Variants in ARMH4 observed in about 807,000 individuals in gnomAD.
ARMH4 encodes armadillo like helical domain containing 4.
In ARMH4, 49 loss-of-function variants were observed where a neutral mutation model predicts 61.9. The ratio of observed to expected loss-of-function variants is 0.79; its 90% CI spans 0.63 to 1.00. The LOEUF (loss-of-function observed/expected upper bound fraction) is 1.00, where lower values mean the gene tolerates loss of function less well. Among genes scored for constraint, ARMH4 ranks in the 50% least tolerant of loss-of-function variants. The pLI is 0.00. For synonymous variants in ARMH4, 368 were observed against 341.5 expected (o/e 1.08, Z -0.85); for missense variants, 934 against 930.0 (o/e 1.00, Z -0.06).
intron 5 of ARMH4, among the ~76,000 whole-genome samples, chr14:58,071,557 T>C (rs1365253631): frequency 4.6e-5 from 7 of 152,200 alleles, no homozygotes; most frequent in Non-Finnish European, 8.8e-5. Context: ...TGACTTTGAC[T>C]TCCTGATAGA....
At chr14:58,150,028 G>T (rs938764983) in intron 1 of ARMH4, among the ~76,000 whole-genome samples, 36 of 152,064 alleles carry the variant, frequency 2.4e-4, no homozygotes, top group African/African-American at 8.7e-4. Context: ...ACCTGAGAGG[G>T]TTCTGCTGTC....
At chr14:58,141,857 G>A (rs1352564392) in intron 1 of ARMH4, among the ~76,000 whole-genome samples, 1 of 152,028 alleles carries the variant, frequency 6.6e-6, no homozygotes, top group Non-Finnish European at 1.5e-5. Context: ...CAAAATTTAA[G>A]GATTAGAAAA....
At chr14:58,005,276 CTT>C in intron 6 of ARMH4, 94 bp from the exon 7 acceptor site, 1 of 1,486,758 alleles carries the variant, frequency 6.7e-7, no homozygotes, top group Non-Finnish European at 9.2e-7. Context: ...TTTTTAGACA[CTT>C]TGAATTCTCC....
intron 5 of ARMH4, among the ~76,000 whole-genome samples, chr14:58,034,422 A>T (rs1436850657): frequency 8.1e-6 from 1 of 124,082 alleles, no homozygotes; most frequent in African/African-American, 3.0e-5. Context: ...ATGGAAAGGA[A>T]CAACCGGTAC....
chr14:58,070,798 G>T (rs1305158995), intron 5 of ARMH4, among the ~76,000 whole-genome samples: 3 of 152,082 alleles, frequency 2.0e-5, no homozygotes, highest in African/African-American at 7.2e-5. Context: ...CAAATAGTAG[G>T]TCTTCTTCAT....
chr14:58,010,225 C>G (rs1000204331), intron 6 of ARMH4, among the ~76,000 whole-genome samples: 2 of 143,582 alleles, frequency 1.4e-5, no homozygotes, highest in African/African-American at 5.1e-5. Flanking sequence ...GATGGACAAA[C>G]AGAGAGTGAG....
intron 5 of ARMH4, among the ~76,000 whole-genome samples, chr14:58,088,391 T>A (rs576358790): frequency 1.9e-4 from 29 of 151,818 alleles, no homozygotes; most frequent in African/African-American, 6.0e-4. Context: ...TACATGTTCA[T>A]CCTCACAAGG....
At chr14:58,120,565 G>A (rs564706623) in intron 4 of ARMH4, among the ~76,000 whole-genome samples, 1 of 152,262 alleles carries the variant, frequency 6.6e-6, no homozygotes, top group South Asian at 2.1e-4. Context: ...AGCCAAATAT[G>A]AGTAACCATG....
intron 4 of ARMH4, among the ~76,000 whole-genome samples, chr14:58,122,795 T>C (rs1186832811): frequency 6.6e-6 from 1 of 152,166 alleles, no homozygotes. Flanking sequence ...CCCTTGTCCA[T>C]GCCCCTTATG....
intron 4 of ARMH4, among the ~76,000 whole-genome samples, chr14:58,107,453 T>C (rs757916917): frequency 7.2e-5 from 11 of 152,104 alleles, no homozygotes; most frequent in Non-Finnish European, 1.2e-4. Context: ...TTTACTAAGT[T>C]TAAAATTAAA....
At chr14:58,059,337 T>C (rs1884455272) in intron 5 of ARMH4, among the ~76,000 whole-genome samples, 1 of 152,228 alleles carries the variant, frequency 6.6e-6, no homozygotes, top group African/African-American at 2.4e-5. Flanking sequence ...ACCTGAGGAA[T>C]GCCAGATTCA....
chr14:58,147,961 T>C (rs186041548), intron 1 of ARMH4, among the ~76,000 whole-genome samples: 6 of 152,332 alleles, frequency 3.9e-5, no homozygotes, highest in African/African-American at 1.2e-4. Flanking sequence ...GGCAACCCCA[T>C]ACCACTGGTG....
At chr14:58,131,410 A>T in intron 4 of ARMH4, 102 bp downstream of exon 4, 1 of 899,616 alleles carries the variant, frequency 1.1e-6, no homozygotes, top group Non-Finnish European at 1.7e-6. Flanking sequence ...TCTGATCTAT[A>T]CTGCAGATTG....
In ARMH4 at chr14:58,012,168, T is replaced by C. The variant is rs1466240990; in HGVS notation, c.2090-18A>G. The C allele has an allele frequency of 7.4e-7, 1 of 1,345,488 alleles. No individual in the cohort carries two copies. The highest frequency in any genetic ancestry group is 1.3e-5 in the South Asian group (1 of 76,704). The allele number at this position is 1,345,488 out of a possible 1,614,324, so 83.3% of individuals were successfully genotyped here. A position where few individuals can be genotyped will look rare whatever the true frequency, so the allele number is the denominator to read the frequency against. ...GCTTCTCACTAGGAAAAAAATAAGA[T>C]AATAAAATGAAATAACCATCTTTTA... On this transcript the variant is annotated intron_variant, in intron 5 of 7. Transcript: ENST00000267485.
In ARMH4 at chr14:58,146,583, T is replaced by A. The variant is rs375302171; in HGVS notation, c.-57+5492A>T. Among the ~76,000 whole-genome samples the A allele has an allele frequency of 2.6e-5, 4 of 152,364 alleles. No individual in the cohort carries two copies. The East Asian group carries it at 7.7e-4, about 29-fold the overall frequency. On this transcript the variant is annotated intron_variant, in intron 1 of 7. Coordinates refer to ENST00000267485, the MANE Select transcript of ARMH4 (RefSeq NM_001001872.4). ...GCATTTCTGCCACCAGTGAGCAAGA[T>A]AAGCTGTTCTGTCAGGCATTATCTT...
At chr14:58,134,037 T>C (rs1042137857) in intron 2 of ARMH4, among the ~76,000 whole-genome samples, 4 of 152,242 alleles carry the variant, frequency 2.6e-5, no homozygotes, top group African/African-American at 9.6e-5. Flanking sequence ...TCCTCAGCTA[T>C]AAAATGGGGA....
intron 5 of ARMH4, among the ~76,000 whole-genome samples, chr14:58,025,793 C>CT (rs1298015426): frequency 1.3e-5 from 2 of 152,084 alleles, no homozygotes; most frequent in East Asian, 3.8e-4. Flanking sequence ...GAAACTCTGT[C>CT]TATAATAATT....
rs546068646 is a variant in ARMH4, at chr14:58,127,673, G to A, written c.1831+3839C>T. Reference sequence around the variant, plus strand: ...CAAGAATTCAAGTTCCCCAGATGAGGAACACTGGAATTGCTTTTTTCTTGC... The same window carrying A: ...CAAGAATTCAAGTTCCCCAGATGAGAAACACTGGAATTGCTTTTTTCTTGC... On this transcript the variant is annotated intron_variant, in intron 4 of 7. Coordinates refer to ENST00000267485, the MANE Select transcript of ARMH4 (RefSeq NM_001001872.4). 5.3e-5 allele frequency among the ~76,000 whole-genome samples: 8 copies of A among 152,236 alleles called. 1 individual carries two copies. Among genetic ancestry groups the A allele is most frequent in the Admixed American group, 3.9e-4 (6 of 15,308 alleles).
intron 6 of ARMH4, among the ~76,000 whole-genome samples, chr14:58,011,628 T>C (rs754541533): frequency 4.6e-5 from 7 of 152,132 alleles, no homozygotes; most frequent in Non-Finnish European, 1.0e-4. Flanking sequence ...ACGTTGTCAA[T>C]CACTATGTAG....
Sources: allele counts gnomAD v4.1 joint callset (sites outside exome capture counted in the v4.1 genomes callset), GRCh38; gene constraint gnomAD v4.1.1; transcripts MANE v1.5; gene names NCBI Gene and HGNC (gene_info 2026-07-23, HGNC 2026-07-21).